Variants in GSE1 observed in about 807,000 individuals in gnomAD.
The protein encoded by GSE1 is Gse1 coiled-coil protein.
In GSE1, 32 loss-of-function variants were observed where a neutral mutation model predicts 112.6. The observed-to-expected ratio is 0.28, with a 90% CI of 0.21 to 0.38. The LOEUF is 0.38. GSE1 is among the 10% of genes least tolerant of loss of function. GSE1 has a pLI of 1.00. For synonymous variants in GSE1, 1,115 were observed against 735.6 expected (o/e 1.52, Z -8.35); for missense variants, 2,348 against 1,699.2 (o/e 1.38, Z -6.71).
intron 2 of GSE1, among the ~76,000 whole-genome samples, chr16:85,383,448 C>T (rs1219744321): frequency 6.6e-6 from 1 of 151,940 alleles, no homozygotes; most frequent in Non-Finnish European, 1.5e-5. Context: ...CACGCATTCA[C>T]ATGTACACAC....
At chr16:85,476,187 C>A (rs1367614650) in intron 2 of GSE1, among the ~76,000 whole-genome samples, 3 of 152,240 alleles carry the variant, frequency 2.0e-5, no homozygotes, top group Non-Finnish European at 4.4e-5. Flanking sequence ...CTGCCTGGGC[C>A]TCCCAGAGTG....
At chr16:85,337,632 C>A (rs576719467) in intron 1 of GSE1, among the ~76,000 whole-genome samples, 3 of 152,072 alleles carry the variant, frequency 2.0e-5, no homozygotes, top group Non-Finnish European at 4.4e-5. Flanking sequence ...GCAGGGAAAC[C>A]GGGGACCTGG....
At chr16:85,263,802 A>C (rs537213998) in intron 1 of GSE1, among the ~76,000 whole-genome samples, 33 of 152,216 alleles carry the variant, frequency 2.2e-4, no homozygotes, top group African/African-American at 7.9e-4. Context: ...GGAACTCCTG[A>C]GCTCAGGTCA....
At chr16:85,563,246 T>A (rs2045603690) in intron 1 of GSE1, among the ~76,000 whole-genome samples, 1 of 152,046 alleles carries the variant, frequency 6.6e-6, no homozygotes, top group African/African-American at 2.4e-5. Context: ...TTTTGTTAAT[T>A]TAGGAACATA....
intron 1 of GSE1, among the ~76,000 whole-genome samples, chr16:85,560,982 A>G (rs1389941322): frequency 6.6e-6 from 1 of 151,922 alleles, no homozygotes; most frequent in African/African-American, 2.4e-5. Context: ...TGCAGAAACA[A>G]TTAGTCGATC....
intron 1 of GSE1, among the ~76,000 whole-genome samples, chr16:85,243,570 G>T (rs928163036): frequency 6.6e-6 from 1 of 152,248 alleles, no homozygotes; most frequent in African/African-American, 2.4e-5. Context: ...AACCACAGGA[G>T]CCAAGTGTTG....
intron 2 of GSE1, among the ~76,000 whole-genome samples, chr16:85,524,727 G>A (rs1217486229): frequency 2.6e-5 from 4 of 152,128 alleles, no homozygotes; most frequent in African/African-American, 9.7e-5. Flanking sequence ...AGAGGGCACC[G>A]GGGCCAGTCA....
At chr16:85,225,963 T>C (rs963138763) in intron 1 of GSE1, among the ~76,000 whole-genome samples, 14 of 152,198 alleles carry the variant, frequency 9.2e-5, no homozygotes, top group Non-Finnish European at 1.0e-4. Context: ...GTGGCTCTTT[T>C]GTGGCTGTTG....
intron 2 of GSE1, among the ~76,000 whole-genome samples, chr16:85,534,498 C>G (rs1314295890): frequency 6.6e-6 from 1 of 152,160 alleles, no homozygotes; most frequent in Non-Finnish European, 1.5e-5. Flanking sequence ...TTGTGACTGG[C>G]TCGTTTTACC....
chr16:85,618,812 G>T (rs143765248), intron 1 of GSE1, among the ~76,000 whole-genome samples: 1 of 152,188 alleles, frequency 6.6e-6, no homozygotes, highest in African/African-American at 2.4e-5. Context: ...TGCGTGCCGC[G>T]ACACCTGGCT....
intron 2 of GSE1, among the ~76,000 whole-genome samples, chr16:85,449,273 G>A (rs891952987): frequency 1.3e-5 from 2 of 152,352 alleles, no homozygotes; most frequent in East Asian, 3.9e-4. Context: ...TTCAAGAGGC[G>A]CCAGGCAGCT....
chr16:85,654,070 C>T (rs896364488), intron 3 of GSE1, among the ~76,000 whole-genome samples: 1 of 152,176 alleles, frequency 6.6e-6, no homozygotes. Flanking sequence ...CACTTCACCC[C>T]AGACCTGTCG....
chr16:85,324,973 A>T (rs2046195088), intron 1 of GSE1, among the ~76,000 whole-genome samples: 1 of 151,976 alleles, frequency 6.6e-6, no homozygotes, highest in Non-Finnish European at 1.5e-5. Context: ...TTTTATTTTT[A>T]TCCGTTTTTT....
intron 2 of GSE1, among the ~76,000 whole-genome samples, chr16:85,544,756 C>T (rs902430890): frequency 1.3e-5 from 2 of 152,232 alleles, no homozygotes. Flanking sequence ...CAGACCCCAG[C>T]AGCGGACAGT....
intron 2 of GSE1, among the ~76,000 whole-genome samples, chr16:85,409,591 C>G (rs1306975798): frequency 9.6e-5 from 1 of 10,428 alleles, no homozygotes; most frequent in African/African-American, 1.1e-4. Flanking sequence ...ATAATCCTCA[C>G]TGTTGCACTC....
At chr16:85,218,300 G>C (rs2075336879) in intron 1 of GSE1, among the ~76,000 whole-genome samples, 1 of 152,154 alleles carries the variant, frequency 6.6e-6, no homozygotes, top group African/African-American at 2.4e-5. Context: ...CCAGGTTTGA[G>C]CCCCAAGTCC....
intron 1 of GSE1, among the ~76,000 whole-genome samples, chr16:85,293,666 C>A (rs960781105): frequency 6.6e-6 from 1 of 152,216 alleles, no homozygotes; most frequent in African/African-American, 2.4e-5. Context: ...TCTGCTGGAG[C>A]TAGAGTGGGA....
At position 85,550,866 on chromosome 16, in the gene GSE1, G is replaced by A. The variant is rs145177460; in HGVS notation, c.2465-83048G>A. On this transcript the variant is annotated intron_variant, in intron 2 of 2. Coordinates refer to the GSE1 transcript ENST00000637419. ...CTTCAGATTGGGGATCCGGCGGGCCGCATGCCGCCTCCTGGGAAGCAGCCC... is the reference window on the plus strand; with the variant it reads ...CTTCAGATTGGGGATCCGGCGGGCCACATGCCGCCTCCTGGGAAGCAGCCC... Among the ~76,000 whole-genome samples the A allele has an allele frequency of 2.0e-3, 312 of 152,336 alleles. 2 individuals carry two copies. Among genetic ancestry groups the A allele is most frequent in the Middle Eastern group, 0.01 (3 of 294 alleles).
intron 1 of GSE1, among the ~76,000 whole-genome samples, chr16:85,591,191 C>T (rs2046988682): frequency 6.6e-6 from 1 of 152,212 alleles, no homozygotes; most frequent in South Asian, 2.1e-4. Context: ...TCATCGGATC[C>T]AGAGAACAGC....
Sources: gnomAD v4.1 joint callset for allele counts (sites outside exome capture counted in the v4.1 genomes callset) on GRCh38, gnomAD v4.1.1 for gene constraint, MANE v1.5 for transcripts, NCBI Gene and HGNC (gene_info 2026-07-23, HGNC 2026-07-21) for gene names.